Variants in ZNF438 observed in about 807,000 individuals in gnomAD.
ZNF438 encodes zinc finger protein 438.
A neutral mutation model predicts 38.0 loss-of-function variants in ZNF438; 25 were observed. The ratio of observed to expected loss-of-function variants is 0.66; its 90% CI spans 0.48 to 0.92. The LOEUF (loss-of-function observed/expected upper bound fraction) is 0.92. Ranked by LOEUF, ZNF438 falls within the 40% of genes least tolerant of loss-of-function variation. ZNF438 has a pLI of 0.00. For synonymous variants in ZNF438, 372 were observed against 364.1 expected (o/e 1.02, Z -0.25); for missense variants, 1,007 against 999.6 (o/e 1.01, Z -0.10).
intron 1 of ZNF438, among the ~76,000 whole-genome samples, chr10:31,015,935 TCCATTCTTATG>T (rs2056161337): frequency 6.6e-6 from 1 of 152,162 alleles, no homozygotes; most frequent in African/African-American, 2.4e-5. Flanking sequence ...TGATCAGGGG[TCCATTCTTATG>T]ACCTTACTTA....
At chr10:30,850,230 A>T in exon 5 of ZNF438, 1 of 1,614,120 alleles carries the variant, frequency 6.2e-7, no homozygotes, top group South Asian at 1.1e-5. Context: ...ACCTGATCAG[A>T]GCGTGATGGT....
chr10:30,849,959 G>A lies in ZNF438; in HGVS notation c.446C>T (p.Ala149Val). The A allele has an allele frequency of 1.9e-6, 3 of 1,614,180 alleles. No homozygotes were observed. In the South Asian group the frequency reaches 3.3e-5, roughly 18 times the overall value. ...AGGACACATTTGGGTTTGGGCAGGAGCTTTGCTACAGCCACTCTTAGGAAA... is the reference window on the plus strand; with the variant it reads ...AGGACACATTTGGGTTTGGGCAGGAACTTTGCTACAGCCACTCTTAGGAAA... The change falls in exon 5 of 6, where the codon GCT becomes GTT. Residue 149 changes from alanine to valine, a missense_variant. Coordinates refer to ENST00000413025, the Ensembl canonical transcript of ZNF438.
intron 1 of ZNF438, among the ~76,000 whole-genome samples, chr10:30,974,067 G>C (rs1292917584): frequency 6.6e-6 from 1 of 152,198 alleles, no homozygotes; most frequent in African/African-American, 2.4e-5. Flanking sequence ...GCACACAACA[G>C]GCCTACCTCC....
rs181773105 is a variant in ZNF438 at position 30,993,415 on chromosome 10, C to T, written c.-192+38418G>A. Reference sequence around the variant, plus strand: ...CTCTGTGGCTGCCCCAGTCATGACCCAAGTAGCAGCAAGTGTGGCTCAACT... The same window carrying T: ...CTCTGTGGCTGCCCCAGTCATGACCTAAGTAGCAGCAAGTGTGGCTCAACT... On this transcript the variant is annotated intron_variant, in intron 1 of 5. Transcript: ENST00000413025. 5.9e-5 allele frequency among the ~76,000 whole-genome samples: 9 copies of T among 152,312 alleles called. No homozygotes were observed. The East Asian group carries it at 1.4e-3, about 23-fold the overall frequency.
rs149308218 is a variant in ZNF438 at position 30,911,585 on chromosome 10, A to T, written c.-114-2570T>A. ...ACAGCCTAAGTCTCTGTGTCCTACAAATTCTCATCTCCTCAAACTCTGCAA... is the reference window on the plus strand; with the variant it reads ...ACAGCCTAAGTCTCTGTGTCCTACATATTCTCATCTCCTCAAACTCTGCAA... On this transcript the variant is annotated intron_variant, in intron 2 of 5. Coordinates refer to ENST00000413025, the Ensembl canonical transcript of ZNF438. 2.0e-3 allele frequency among the ~76,000 whole-genome samples: 308 copies of T among 152,202 alleles called. 3 individuals are homozygous for T. Among genetic ancestry groups the T allele is most frequent in the African/African-American group, 6.9e-3 (287 of 41,510 alleles).
At chr10:30,891,512 G>A (rs559753264) in intron 3 of ZNF438, among the ~76,000 whole-genome samples, 4 of 152,168 alleles carry the variant, frequency 2.6e-5, no homozygotes, top group African/African-American at 9.6e-5. Flanking sequence ...TTTTTAGAAG[G>A]ACTGCAGCAC....
chr10:30,878,789 G>C (rs1003271822), intron 3 of ZNF438, among the ~76,000 whole-genome samples: 1 of 152,148 alleles, frequency 6.6e-6, no homozygotes, highest in Non-Finnish European at 1.5e-5. Flanking sequence ...GCTCCTGCCG[G>C]CACCCAAAGC....
At chr10:30,942,392 C>G (rs1412026203) in intron 1 of ZNF438, among the ~76,000 whole-genome samples, 1 of 151,962 alleles carries the variant, frequency 6.6e-6, no homozygotes, top group Non-Finnish European at 1.5e-5. Flanking sequence ...TGAGAAAATT[C>G]AAAAAGCAGT....
At chr10:31,024,763 C>A (rs1378238124) in intron 1 of ZNF438, among the ~76,000 whole-genome samples, 1 of 152,290 alleles carries the variant, frequency 6.6e-6, no homozygotes, top group East Asian at 1.9e-4. Context: ...ATGCCCTACA[C>A]ATTTTATGGG....
In ZNF438 at chr10:31,030,867, A is replaced by G. The variant is rs368341263; in HGVS notation, c.-192+966T>C. On this transcript the variant is annotated intron_variant, in intron 1 of 5. Transcript: ENST00000413025. The stretch of plus-strand genomic sequence containing the variant: ...TTGACCAAAATATTCAAGCAGTCAG[A>G]TACGATGATTGGATATTCCAAATCG... Among the ~76,000 whole-genome samples, 12 of 152,360 alleles carry G rather than the reference A, an allele frequency of 7.9e-5. No homozygotes were observed. The East Asian group carries it at 1.9e-3, about 24-fold the overall frequency.
chr10:30,924,388 A>C (rs543818320), intron 2 of ZNF438, among the ~76,000 whole-genome samples: 1 of 152,218 alleles, frequency 6.6e-6, no homozygotes, highest in African/African-American at 2.4e-5. Flanking sequence ...GAAAATAGGA[A>C]CTCTAGAGAG....
At chr10:30,890,091 A>G (rs1343761255) in intron 3 of ZNF438, among the ~76,000 whole-genome samples, 1 of 143,524 alleles carries the variant, frequency 7.0e-6, no homozygotes, top group Non-Finnish European at 1.6e-5. Flanking sequence ...TCCAAAAAAA[A>G]AAAAAAAAAA....
At chr10:31,007,888 C>T (rs2055312527) in intron 1 of ZNF438, among the ~76,000 whole-genome samples, 1 of 152,156 alleles carries the variant, frequency 6.6e-6, no homozygotes, top group South Asian at 2.1e-4. Flanking sequence ...CTCTGTAGGA[C>T]TCAGCTCTCT....
chr10:30,969,520 T>C (rs1158016077), intron 1 of ZNF438, among the ~76,000 whole-genome samples: 1 of 152,234 alleles, frequency 6.6e-6, no homozygotes. Context: ...ATAATACTTA[T>C]ATTAGGAAAA....
At chr10:30,844,690 C>G (rs1166489254) in exon 6 of ZNF438, 1 of 351,678 alleles carries the variant, frequency 2.8e-6, no homozygotes, top group Non-Finnish European at 5.1e-6. Context: ...TTTCAATCTT[C>G]AAATTTTGAT....
At chr10:30,998,713 G>T in intron 1 of ZNF438, among the ~76,000 whole-genome samples, 1 of 151,470 alleles carries the variant, frequency 6.6e-6, no homozygotes, top group South Asian at 2.1e-4. Flanking sequence ...CATTCTATTT[G>T]ACTTCAATAG....
At chr10:30,989,274 T>C (rs1004227922) in intron 1 of ZNF438, among the ~76,000 whole-genome samples, 5 of 152,174 alleles carry the variant, frequency 3.3e-5, no homozygotes, top group African/African-American at 9.7e-5. Context: ...TGACTAATAA[T>C]ATACTACGTA....
intron 1 of ZNF438, among the ~76,000 whole-genome samples, chr10:31,008,167 G>A (rs1049206734): frequency 7.9e-5 from 12 of 152,084 alleles, no homozygotes; most frequent in African/African-American, 2.4e-4. Context: ...AAATATCTAA[G>A]TCATCCTGCT....
chr10:30,942,248 G>A (rs1384265891), intron 1 of ZNF438, among the ~76,000 whole-genome samples: 3 of 152,214 alleles, frequency 2.0e-5, no homozygotes, highest in Non-Finnish European at 4.4e-5. Context: ...AGATTATACT[G>A]TAAGAGGTTG....
Sources: gnomAD v4.1 joint callset for allele counts (sites outside exome capture counted in the v4.1 genomes callset) on GRCh38, gnomAD v4.1.1 for gene constraint, MANE v1.5 for transcripts, NCBI Gene and HGNC (gene_info 2026-07-23, HGNC 2026-07-21) for gene names.